Variants in KLHL1 observed in about 807,000 individuals in gnomAD.
KLHL1 encodes kelch like family member 1.
Under a neutral mutation model 77.7 loss-of-function variants are expected in KLHL1, and 47 were observed. That is an observed-to-expected ratio of 0.60 (90% CI 0.48 to 0.77). KLHL1 has a LOEUF of 0.77. KLHL1 is among the 30% of genes least tolerant of loss of function. The pLI is 0.00. For synonymous variants in KLHL1, 360 were observed against 325.2 expected (o/e 1.11, Z -1.15); for missense variants, 925 against 910.8 (o/e 1.02, Z -0.20).
chr13:70,101,948 A>G (rs1887932473), intron 1 of KLHL1, among the ~76,000 whole-genome samples: 1 of 134,156 alleles, frequency 7.5e-6, no homozygotes, highest in Non-Finnish European at 1.5e-5. Flanking sequence ...AGGATAAAGT[A>G]GCAAAAAAAA....
At chr13:69,855,683 C>A (rs1879882429) in intron 5 of KLHL1, among the ~76,000 whole-genome samples, 1 of 151,530 alleles carries the variant, frequency 6.6e-6, no homozygotes, top group African/African-American at 2.4e-5. Context: ...TTCCCCTTCC[C>A]CTTCCGCCGT....
At chr13:69,857,299 T>C (rs1879957777) in intron 5 of KLHL1, among the ~76,000 whole-genome samples, 1 of 152,072 alleles carries the variant, frequency 6.6e-6, no homozygotes, top group Admixed American at 6.6e-5. Context: ...CTTTATGAAG[T>C]CTTCCCTGAT....
intron 4 of KLHL1, among the ~76,000 whole-genome samples, chr13:69,885,033 C>A (rs963536030): frequency 1.5e-5 from 2 of 134,048 alleles, no homozygotes; most frequent in Admixed American, 7.1e-5. Context: ...CTCCGCTTCC[C>A]GGGTTCACGC....
chr13:70,069,257 T>C (rs190581414), intron 1 of KLHL1, among the ~76,000 whole-genome samples: 1 of 152,302 alleles, frequency 6.6e-6, no homozygotes, highest in African/African-American at 2.4e-5. Context: ...CCTTTGACAC[T>C]ATTTAAGTAG....
At chr13:69,823,291 G>T (rs1878413670) in intron 6 of KLHL1, among the ~76,000 whole-genome samples, 1 of 151,990 alleles carries the variant, frequency 6.6e-6, no homozygotes, top group Non-Finnish European at 1.5e-5. Flanking sequence ...TTGCATATGA[G>T]AAACACCAAC....
intron 7 of KLHL1, among the ~76,000 whole-genome samples, chr13:69,796,476 G>C (rs1291244396): frequency 6.6e-6 from 1 of 152,104 alleles, no homozygotes; most frequent in Non-Finnish European, 1.5e-5. Context: ...CTTGCTTCCT[G>C]TGTAACCATG....
rs969109344 is a variant in KLHL1 at position 69,871,433 on chromosome 13, G to C, written c.1227+10850C>G. Reference sequence around the variant, plus strand: ...CCCTTTAGTCACGCTAATTTCTCTAGTAAGCGATTGCTCCACAGCATCCTT... The same window carrying C: ...CCCTTTAGTCACGCTAATTTCTCTACTAAGCGATTGCTCCACAGCATCCTT... On this transcript the variant is annotated intron_variant, in intron 5 of 10. Coordinates refer to ENST00000377844, the MANE Select transcript of KLHL1 (RefSeq NM_020866.3). Among the ~76,000 whole-genome samples, 23 of 152,110 alleles carry C rather than the reference G, an allele frequency of 1.5e-4. 1 individual carries two copies. Among genetic ancestry groups the C allele is most frequent in the Non-Finnish European group, 4.4e-5 (3 of 68,006 alleles).
chr13:69,948,159 A>C (rs2137250493), intron 3 of KLHL1, among the ~76,000 whole-genome samples: 1 of 152,268 alleles, frequency 6.6e-6, no homozygotes, highest in African/African-American at 2.4e-5. Context: ...CTCCAGAGTT[A>C]ATTAATGAGA....
intron 4 of KLHL1, among the ~76,000 whole-genome samples, chr13:69,916,486 A>C (rs1232759089): frequency 6.6e-6 from 1 of 152,040 alleles, no homozygotes; most frequent in African/African-American, 2.4e-5. Context: ...AAACTATCGC[A>C]AGGACAAAAA....
chr13:69,963,877 T>TA (rs60633551), intron 2 of KLHL1, among the ~76,000 whole-genome samples: 62,658 of 151,798 alleles, frequency 0.41, 13,541 homozygotes, highest in Non-Finnish European at 0.49. Flanking sequence ...TGGCAAAAAA[T>TA]AAAAAAACAT....
chr13:70,101,950 CAA>C (rs553460889), intron 1 of KLHL1, among the ~76,000 whole-genome samples: 2 of 128,880 alleles, frequency 1.6e-5, no homozygotes, highest in Non-Finnish European at 1.7e-5. Context: ...GATAAAGTAG[CAA>C]AAAAAAAAAA....
At chr13:70,040,847 A>G (rs1039448904) in intron 1 of KLHL1, among the ~76,000 whole-genome samples, 10 of 152,130 alleles carry the variant, frequency 6.6e-5, no homozygotes, top group Admixed American at 2.0e-4. Flanking sequence ...TCACCAATTT[A>G]TGGAACCCCA....
intron 1 of KLHL1, among the ~76,000 whole-genome samples, chr13:70,075,836 C>T (rs938525100): frequency 6.8e-6 from 1 of 147,916 alleles, no homozygotes; most frequent in Non-Finnish European, 1.5e-5. Flanking sequence ...CAATTGCTTT[C>T]CTATACACCA....
chr13:69,710,264 C>A (rs530293088), intron 9 of KLHL1, among the ~76,000 whole-genome samples: 2 of 151,672 alleles, frequency 1.3e-5, no homozygotes, highest in African/African-American at 4.8e-5. Flanking sequence ...AAAATACTAA[C>A]CTGCAATCAG....
chr13:69,772,395 C>A (rs1444290398), intron 7 of KLHL1, among the ~76,000 whole-genome samples: 2 of 151,932 alleles, frequency 1.3e-5, no homozygotes, highest in African/African-American at 4.8e-5. Context: ...ATAAATCAAG[C>A]ATTACCTATA....
chr13:69,811,188 G>C (rs1442116641), intron 6 of KLHL1, among the ~76,000 whole-genome samples: 1 of 151,810 alleles, frequency 6.6e-6, no homozygotes, highest in Non-Finnish European at 1.5e-5. Context: ...GAAACTACAG[G>C]CTAATACACC....
intron 8 of KLHL1, among the ~76,000 whole-genome samples, chr13:69,733,230 TA>T (rs148855155): frequency 0.056 from 8,273 of 148,618 alleles, 417 homozygotes; most frequent in African/African-American, 0.13. Context: ...ATATGAAAGA[TA>T]AAAAAAAAAT....
chr13:69,955,870 T>A (rs188487032), intron 3 of KLHL1, among the ~76,000 whole-genome samples: 96 of 141,898 alleles, frequency 6.8e-4, no homozygotes, highest in African/African-American at 2.4e-3. Context: ...AATACTAGCA[T>A]ATATATATTT....
intron 8 of KLHL1, 56 bp from the exon 9 acceptor site, chr13:69,719,637 T>C: frequency 1.5e-6 from 2 of 1,370,380 alleles, no homozygotes; most frequent in East Asian, 4.7e-5. Flanking sequence ...TGACAAAATA[T>C]AGAAAAGGTC....
Sources: allele counts gnomAD v4.1 joint callset (sites outside exome capture counted in the v4.1 genomes callset), GRCh38; gene constraint gnomAD v4.1.1; transcripts MANE v1.5; gene names NCBI Gene and HGNC (gene_info 2026-07-23, HGNC 2026-07-21).